MORF4L1: variants seen among roughly 807,000 people sequenced by gnomAD.
The protein encoded by MORF4L1 is mortality factor 4-like protein 1.
In MORF4L1, 4 loss-of-function variants were observed where a neutral mutation model predicts 52.9. That is an observed-to-expected ratio of 0.08 (90% CI 0.04 to 0.17). MORF4L1 has a LOEUF of 0.17. Ranked by LOEUF, MORF4L1 falls within the 10% of genes least tolerant of loss-of-function variation. MORF4L1 has a pLI of 1.00. For synonymous variants in MORF4L1, 123 were observed against 134.8 expected, an observed-to-expected ratio of 0.91 and a Z score of 0.61; for missense variants, 214 against 390.4, an observed-to-expected ratio of 0.55 and a Z score of 3.81.
At chr15:78,892,388 A>G (rs926691564) in intron 8 of MORF4L1, 75 bp downstream of exon 8, 1 of 966,404 alleles carries the variant, frequency 1.0e-6, no homozygotes, top group Non-Finnish European at 1.6e-6. Flanking sequence ...TTAAAGGAAA[A>G]TGTTATATTG....
intron 8 of MORF4L1, among the ~76,000 whole-genome samples, 169 bp from the exon 9 acceptor site, chr15:78,893,370 A>G (rs920201718): frequency 3.9e-5 from 6 of 152,234 alleles, no homozygotes; most frequent in African/African-American, 4.8e-5. Context: ...TAAGTTGGGA[A>G]CTGTCTGTAG....
At chr15:78,884,952 T>C in intron 3 of MORF4L1, 1 of 1,598,486 alleles carries the variant, frequency 6.3e-7, no homozygotes, top group Non-Finnish European at 8.6e-7. Context: ...CTTTGTACTA[T>C]GCTGTCTGTA....
chr15:78,891,308 G>T, intron 6 of MORF4L1, 176 bp from the exon 7 acceptor site: 1 of 651,498 alleles, frequency 1.5e-6, no homozygotes, highest in East Asian at 2.8e-5. Context: ...CTAAATGTTC[G>T]GTAGAGCTCT....
chr15:78,895,219 ATTG>A (rs1228701835), intron 11 of MORF4L1, among the ~76,000 whole-genome samples: 1 of 152,230 alleles, frequency 6.6e-6, no homozygotes, highest in African/African-American at 2.4e-5. Context: ...TTAAAATTAA[ATTG>A]TTAAGATAAT....
intron 1 of MORF4L1, chr15:78,873,277 G>T: frequency 1.4e-6 from 2 of 1,433,040 alleles, no homozygotes; most frequent in Non-Finnish European, 1.8e-6. Context: ...CGTTAGAGTG[G>T]GAGAGAGAGC....
At chr15:78,893,501 G>A in intron 8 of MORF4L1, 38 bp from the exon 9 acceptor site, 7 of 1,355,694 alleles carry the variant, frequency 5.2e-6, no homozygotes, top group Non-Finnish European at 7.4e-6. Context: ...CTTTAAAAAA[G>A]AGAGTGCTTA....
chr15:78,884,451 C>T (rs1162218682), intron 3 of MORF4L1, among the ~76,000 whole-genome samples: 4 of 151,876 alleles, frequency 2.6e-5, no homozygotes, highest in Non-Finnish European at 5.9e-5. Flanking sequence ...ACAAGCCTGA[C>T]CAACATGGAG....
chr15:78,892,715 T>C (rs1285681262), intron 8 of MORF4L1: 2 of 155,970 alleles, frequency 1.3e-5, no homozygotes, highest in African/African-American at 4.8e-5. Flanking sequence ...CCTGGATCTA[T>C]TGTTAGTTTG....
intron 1 of MORF4L1, among the ~76,000 whole-genome samples, chr15:78,874,549 T>C (rs895853559): frequency 1.3e-5 from 2 of 151,580 alleles, no homozygotes; most frequent in African/African-American, 4.8e-5. Flanking sequence ...TGTTTTGTTT[T>C]TTAGGGTTTT....
intron 11 of MORF4L1, 119 bp from the exon 12 acceptor site, chr15:78,896,864 T>A (rs1373990100): frequency 1.3e-5 from 9 of 691,000 alleles, no homozygotes; most frequent in Non-Finnish European, 2.0e-5. Flanking sequence ...TGAGAGAATG[T>A]CTGGTTTAAT....
At chr15:78,896,940 T>C (rs12438433) in intron 11 of MORF4L1, 43 bp from the exon 12 acceptor site, 192,101 of 1,478,562 alleles carry the variant, frequency 0.13, 13,218 homozygotes, top group East Asian at 0.25. Context: ...TGGATCAAGA[T>C]AATGACCTTT....
chr15:78,893,391 A>C, intron 8 of MORF4L1, 148 bp from the exon 9 acceptor site: 1 of 579,942 alleles, frequency 1.7e-6, no homozygotes, highest in Non-Finnish European at 3.1e-6. Context: ...TTTCTCAGCC[A>C]CATTATCCAT....
chr15:78,890,305 TAAAA>T (rs1567313946), intron 5 of MORF4L1, among the ~76,000 whole-genome samples: 1 of 151,096 alleles, frequency 6.6e-6, no homozygotes, highest in Non-Finnish European at 1.5e-5. Flanking sequence ...TGAGGAGACT[TAAAA>T]CAAAAAAATT....
intron 4 of MORF4L1, 21 bp downstream of exon 4, chr15:78,886,248 G>C: frequency 6.4e-7 from 1 of 1,574,030 alleles, no homozygotes. Context: ...TTTGTGAACT[G>C]AATATTAAGG....
Position 78,897,525 on chromosome 15 carries a change from T to G in MORF4L1, c.*458T>G, listed in dbSNP as rs898572964. On this transcript the variant is annotated 3_prime_UTR_variant, in exon 12 of 12. Transcript: ENST00000426013. ...GGTGCTTAAAGTAAAGAGCCCATCC[T>G]TTGCAAGTCATCCATGTTGTTACTT... is the stretch of plus-strand genomic sequence containing the variant. 2 of 153,914 alleles carry G rather than the reference T, an allele frequency of 1.3e-5. No homozygotes were observed. The highest frequency in any genetic ancestry group is 4.8e-5 in the African/African-American group (2 of 41,462). 9.5% of individuals were successfully genotyped at this position (153,914 alleles called of 1,614,324 possible). A position where few individuals can be genotyped will look rare whatever the true frequency, so the allele number is the denominator to read the frequency against.
intron 4 of MORF4L1, chr15:78,886,457 A>C (rs1013566975): frequency 1.9e-6 from 1 of 517,282 alleles, no homozygotes; most frequent in African/African-American, 1.9e-5. Context: ...AGAAAACAGC[A>C]GAATGTTGTT....
At chr15:78,874,561 G>GT (rs1194999993) in intron 1 of MORF4L1, among the ~76,000 whole-genome samples, 1 of 140,418 alleles carries the variant, frequency 7.1e-6, no homozygotes, top group Non-Finnish European at 1.6e-5. Context: ...TAGGGTTTTT[G>GT]TTTTTTCTTT....
chr15:78,894,732 TGGTG>T, intron 10 of MORF4L1, 84 bp from the exon 11 acceptor site: 1 of 988,224 alleles, frequency 1.0e-6, no homozygotes, highest in Non-Finnish European at 1.6e-6. Flanking sequence ...TTAAAGGAAT[TGGTG>T]GTGTTTGCTC....
intron 1 of MORF4L1, among the ~76,000 whole-genome samples, chr15:78,877,606 C>T (rs1030939408): frequency 6.6e-6 from 1 of 152,156 alleles, no homozygotes; most frequent in African/African-American, 2.4e-5. Flanking sequence ...TTTCTTTAGT[C>T]TTGAAGTAGG....
Sources: gnomAD v4.1 joint callset for allele counts (sites outside exome capture counted in the v4.1 genomes callset) on GRCh38, gnomAD v4.1.1 for gene constraint, MANE v1.5 for transcripts, NCBI Gene and HGNC (gene_info 2026-07-23, HGNC 2026-07-21) for gene names.